The following SLIT2 variants were observed in gnomAD, a reference collection of about 807,000 sequenced individuals.
The protein encoded by SLIT2 is slit guidance ligand 2.
SLIT2 carries 41 observed loss-of-function variants against 185.7 expected under a neutral mutation model. The observed-to-expected ratio is 0.22, with a 90% confidence interval of 0.17 to 0.29. The LOEUF is 0.29. Ranked by LOEUF, SLIT2 falls within the 10% of genes least tolerant of loss-of-function variation. SLIT2 has a pLI of 1.00. For synonymous variants in SLIT2, 693 were observed against 680.2 expected, an observed-to-expected ratio of 1.02 and a Z score of -0.29; for missense variants, 1,571 against 1,909.0, an observed-to-expected ratio of 0.82 and a Z score of 3.30.
At chr4:20,439,440 G>A (rs1018235047) in intron 4 of SLIT2, among the ~76,000 whole-genome samples, 3 of 152,096 alleles carry the variant, frequency 2.0e-5, no homozygotes, top group African/African-American at 7.2e-5. Flanking sequence ...AGCAATCTGT[G>A]GTCTTCCTTG....
At chr4:20,465,535 T>C (rs1012841565) in intron 4 of SLIT2, among the ~76,000 whole-genome samples, 4 of 152,116 alleles carry the variant, frequency 2.6e-5, no homozygotes, top group African/African-American at 9.7e-5. Flanking sequence ...TGTGGAGCCA[T>C]CTACTCAGGG....
At chr4:20,259,940 T>G (rs2109012817) in intron 3 of SLIT2, among the ~76,000 whole-genome samples, 1 of 151,982 alleles carries the variant, frequency 6.6e-6, no homozygotes, top group Admixed American at 6.6e-5. Context: ...CACATTGTTA[T>G]CTGACAGCCA....
At chr4:20,594,503 G>A (rs911880068) in intron 30 of SLIT2, among the ~76,000 whole-genome samples, 6 of 151,950 alleles carry the variant, frequency 3.9e-5, no homozygotes, top group African/African-American at 1.4e-4. Context: ...GGAGAGTGTT[G>A]AGGAAAAGGT....
At chr4:20,345,488 T>C (rs1346339291) in intron 4 of SLIT2, among the ~76,000 whole-genome samples, 1 of 151,976 alleles carries the variant, frequency 6.6e-6, no homozygotes, top group Non-Finnish European at 1.5e-5. Context: ...GGAATACTTA[T>C]TTCTTTTTTT....
Position 20,257,940 on chromosome 4 carries a change from G to A in SLIT2, c.323+1G>A. ...AGGATCTTAAAGAACTAGAGAGACTGTAAGTATTTTCAATTCCAAAGTTAT... is the reference window on the plus strand; with the variant it reads ...AGGATCTTAAAGAACTAGAGAGACTATAAGTATTTTCAATTCCAAAGTTAT... On this transcript the variant is annotated splice_donor_variant, in intron 3 of 36. Transcript: ENST00000504154. LOFTEE classifies it high-confidence loss of function. 1 of 1,419,366 alleles carries A rather than the reference G, an allele frequency of 7.0e-7. No homozygotes were observed. The highest frequency in any genetic ancestry group is 9.9e-7 in the Non-Finnish European group (1 of 1,015,152). The allele number at this position is 1,419,366 out of a possible 1,614,324, so 87.9% of individuals were successfully genotyped here.
chr4:20,598,468 T>C, intron 33 of SLIT2, 73 bp downstream of exon 33: 1 of 1,543,708 alleles, frequency 6.5e-7, no homozygotes, highest in South Asian at 1.1e-5. Flanking sequence ...TCTATCATTT[T>C]ATTATGGAGA....
At chr4:20,260,823 T>C (rs1712375148) in intron 3 of SLIT2, among the ~76,000 whole-genome samples, 1 of 151,822 alleles carries the variant, frequency 6.6e-6, no homozygotes, top group African/African-American at 2.4e-5. Flanking sequence ...CATTTTCAGA[T>C]AAACTGTCAA....
At chr4:20,410,922 T>C (rs1727202389) in intron 4 of SLIT2, among the ~76,000 whole-genome samples, 1 of 152,216 alleles carries the variant, frequency 6.6e-6, no homozygotes, top group Admixed American at 6.5e-5. Flanking sequence ...CATATGAATT[T>C]TAAAGTATTT....
At chr4:20,542,984 C>T (rs1003932191) in intron 21 of SLIT2, among the ~76,000 whole-genome samples, 1 of 151,960 alleles carries the variant, frequency 6.6e-6, no homozygotes, top group African/African-American at 2.4e-5. Context: ...TCTCATGGAG[C>T]ATCTTACAAG....
At chr4:20,361,117 G>T (rs935987081) in intron 4 of SLIT2, among the ~76,000 whole-genome samples, 1 of 151,006 alleles carries the variant, frequency 6.6e-6, no homozygotes, top group African/African-American at 2.4e-5. Context: ...AACCTTAGTA[G>T]AATTTTTCTT....
At position 20,520,060 on chromosome 4, in the gene SLIT2, A is replaced by T. The variant is rs758738335; in HGVS notation, c.1130+607A>T. 4.0e-3 allele frequency among the ~76,000 whole-genome samples: 565 copies of T among 141,912 alleles called. 1 individual carries two copies. The highest frequency in any genetic ancestry group is 0.011 in the Middle Eastern group (3 of 274). The allele number at this position is 141,912 out of a possible 152,430, so 93.1% of individuals were successfully genotyped here. A position where few individuals can be genotyped will look rare whatever the true frequency, so the allele number is the denominator to read the frequency against. On this transcript the variant is annotated intron_variant, in intron 12 of 36. Coordinates refer to ENST00000504154, the MANE Select transcript of SLIT2 (RefSeq NM_004787.4). Reference sequence around the variant, plus strand: ...AAAAAAAAAAAAAAAAAAAAAAAAGATATGGTGATATACTCAGCAACTTTT... The same window carrying T: ...AAAAAAAAAAAAAAAAAAAAAAAAGTTATGGTGATATACTCAGCAACTTTT...
intron 4 of SLIT2, among the ~76,000 whole-genome samples, chr4:20,445,352 G>GAA: frequency 6.6e-6 from 1 of 152,216 alleles, no homozygotes; most frequent in South Asian, 2.1e-4. Flanking sequence ...CATTTAAAAA[G>GAA]AATCTTAAGT....
intron 4 of SLIT2, among the ~76,000 whole-genome samples, chr4:20,271,364 T>C (rs1482402209): frequency 2.0e-5 from 3 of 147,684 alleles, no homozygotes; most frequent in East Asian, 1.9e-4. Flanking sequence ...TCTATAAATA[T>C]ATATTTATAG....
intron 3 of SLIT2, among the ~76,000 whole-genome samples, chr4:20,262,241 A>G (rs548463435): frequency 1.3e-5 from 2 of 151,938 alleles, no homozygotes; most frequent in Admixed American, 6.6e-5. Flanking sequence ...GTGATGCTGA[A>G]TTAGTTCTCC....
intron 3 of SLIT2, among the ~76,000 whole-genome samples, chr4:20,267,532 G>A (rs1713158975): frequency 6.6e-6 from 1 of 151,738 alleles, no homozygotes; most frequent in South Asian, 2.1e-4. Context: ...CTCACTTACA[G>A]GATTTTAAAA....
At chr4:20,339,737 G>A (rs985912380) in intron 4 of SLIT2, among the ~76,000 whole-genome samples, 1 of 152,068 alleles carries the variant, frequency 6.6e-6, no homozygotes, top group Non-Finnish European at 1.5e-5. Flanking sequence ...ATCATGAAAT[G>A]GCCTGTAGAC....
rs1206555203 is a variant in SLIT2, at chr4:20,510,924, T to C, written c.987-142T>C. 1.3e-5 allele frequency: 7 copies of C among 546,808 alleles called. No homozygotes were observed. The Admixed American group carries it at 2.1e-4, about 17-fold the overall frequency. The allele number at this position is 546,808 out of a possible 1,614,324, so 33.9% of individuals were successfully genotyped here. On this transcript the variant is annotated intron_variant, in intron 10 of 36. Transcript: ENST00000504154. Reference sequence around the variant, plus strand: ...TATGATTTCTTTTTTAAATTTCTGATCCTTCAGATGTTCAATGTTGCACGT... The same window carrying C: ...TATGATTTCTTTTTTAAATTTCTGACCCTTCAGATGTTCAATGTTGCACGT...
At chr4:20,569,253 T>A (rs1405683922) in intron 29 of SLIT2, 11 of 428,154 alleles carry the variant, frequency 2.6e-5, no homozygotes, top group Non-Finnish European at 3.4e-5. Context: ...TAAAAGAAGC[T>A]ATTTTGCTAA....
intron 4 of SLIT2, among the ~76,000 whole-genome samples, chr4:20,289,316 G>A (rs965404259): frequency 2.6e-5 from 4 of 151,926 alleles, no homozygotes; most frequent in African/African-American, 9.7e-5. Context: ...TTCCAGTTTT[G>A]AGATGACTAT....
Sources: allele counts gnomAD v4.1 joint callset (sites outside exome capture counted in the v4.1 genomes callset), GRCh38; gene constraint gnomAD v4.1.1; transcripts MANE v1.5; gene names NCBI Gene and HGNC (gene_info 2026-07-23, HGNC 2026-07-21).